The following LRRN2 variants were observed in gnomAD, a reference collection of about 807,000 sequenced individuals.
The protein encoded by LRRN2 is leucine rich repeat neuronal 2.
A neutral mutation model predicts 35.7 loss-of-function variants in LRRN2; 10 were observed. The observed-to-expected ratio is 0.28, with a 90% CI of 0.17 to 0.47. The LOEUF is 0.47. Among genes scored for constraint, LRRN2 ranks in the 20% least tolerant of loss-of-function variants. The pLI is 0.99. For synonymous variants in LRRN2, 391 were observed against 409.6 expected, an observed-to-expected ratio of 0.95 and a Z score of 0.55; for missense variants, 731 against 940.3, an observed-to-expected ratio of 0.78 and a Z score of 2.91.
chr1:204,679,725 AC>A (rs1668904180), intron 1 of LRRN2, among the ~76,000 whole-genome samples: 1 of 152,048 alleles, frequency 6.6e-6, no homozygotes, highest in South Asian at 2.1e-4. Context: ...CCAGCAAGCC[AC>A]CCTTGCATTG....
At chr1:204,623,218 C>G (rs1185886784) in intron 1 of LRRN2, among the ~76,000 whole-genome samples, 1 of 152,158 alleles carries the variant, frequency 6.6e-6, no homozygotes, top group Non-Finnish European at 1.5e-5. Flanking sequence ...ACCTTTAGAC[C>G]CTACCCGAGT....
rs150479319 is a variant in LRRN2, at chr1:204,665,128, A to G, written c.-227+20192T>C. On this transcript the variant is annotated intron_variant, in intron 1 of 1. Coordinates refer to ENST00000367177, the MANE Select transcript of LRRN2 (RefSeq NM_201630.2). ...ATTCTCTTTAGGAAGATAATGCTTCAACTCCTCCTTTGAATTGCCCCTAAC... is the reference window on the plus strand; with the variant it reads ...ATTCTCTTTAGGAAGATAATGCTTCGACTCCTCCTTTGAATTGCCCCTAAC... Among the ~76,000 whole-genome samples, 194 of 152,154 alleles carry G rather than the reference A, an allele frequency of 1.3e-3. 2 individuals carry two copies. Among genetic ancestry groups the G allele is most frequent in the African/African-American group, 4.5e-3 (188 of 41,486 alleles).
intron 1 of LRRN2, among the ~76,000 whole-genome samples, chr1:204,663,614 C>G (rs1668514897): frequency 1.3e-5 from 2 of 152,180 alleles, no homozygotes; most frequent in African/African-American, 4.8e-5. Context: ...CCAAGTCAGA[C>G]CTAATTAGAC....
chr1:204,649,159 G>C (rs975160994), intron 1 of LRRN2, among the ~76,000 whole-genome samples: 1 of 152,238 alleles, frequency 6.6e-6, no homozygotes, highest in Non-Finnish European at 1.5e-5. Flanking sequence ...GACTCAAAGA[G>C]GTGAATGAGC....
chr1:204,646,830 C>A (rs1339674107), intron 1 of LRRN2, among the ~76,000 whole-genome samples: 14 of 152,152 alleles, frequency 9.2e-5, no homozygotes, highest in Admixed American at 2.6e-4. Context: ...GGACATATAT[C>A]TCTATATTCT....
At chr1:204,638,892 C>T (rs1248789373) in intron 1 of LRRN2, among the ~76,000 whole-genome samples, 1 of 152,196 alleles carries the variant, frequency 6.6e-6, no homozygotes, top group Non-Finnish European at 1.5e-5. Context: ...GGGACGCCAC[C>T]CCCAGGCTCC....
intron 1 of LRRN2, among the ~76,000 whole-genome samples, chr1:204,624,764 C>T (rs975812495): frequency 2.1e-5 from 3 of 141,966 alleles, no homozygotes; most frequent in East Asian, 2.2e-4. Flanking sequence ...CACCCCCCCC[C>T]CCGGGAGCTG....
chr1:204,679,432 TTCC>T (rs1470290403), intron 1 of LRRN2, among the ~76,000 whole-genome samples: 2 of 152,240 alleles, frequency 1.3e-5, no homozygotes, highest in East Asian at 1.9e-4. Context: ...TTCTTTTCTC[TTCC>T]TCCTTTTTCC....
chr1:204,631,256 C>CTATATATA lies in LRRN2; in HGVS notation c.-226-11046_-226-11039dup, dbSNP rs1162626713. Among the ~76,000 whole-genome samples, 172 of 36,830 alleles carry CTATATATA rather than the reference C, an allele frequency of 4.7e-3. 8 individuals are homozygous for CTATATATA. Among genetic ancestry groups the CTATATATA allele is most frequent in the African/African-American group, 5.5e-3 (57 of 10,390 alleles). The allele number at this position is 36,830 out of a possible 152,430, so 24.2% of individuals were successfully genotyped here. On this transcript the variant is annotated intron_variant, in intron 1 of 1. Coordinates refer to ENST00000367177, the MANE Select transcript of LRRN2 (RefSeq NM_201630.2). ...CAAGAAGAGTGATACCTAGAGTGTT[C>CTATATATA]TATATATATATATATATATATATAT...
Position 204,640,046 on chromosome 1 carries a change from T to C in LRRN2, c.-226-19828A>G, listed in dbSNP as rs189692006. On this transcript the variant is annotated intron_variant, in intron 1 of 1. Transcript: ENST00000367177. ...GTACATTAAATAGCTGGATTTGCCA[T>C]GGTCTTAGTCCATTTGGGCAGCTAT... Among the ~76,000 whole-genome samples, 467 of 152,360 alleles carry C rather than the reference T, an allele frequency of 3.1e-3. 1 individual carries two copies. The highest frequency in any genetic ancestry group is 0.011 in the African/African-American group (442 of 41,582).
At position 204,619,898 on chromosome 1, in the gene LRRN2, TGA is replaced by T; in HGVS notation, c.93_94del (p.Gln32ValfsTer25). 6.2e-7 allele frequency: 1 copy of T among 1,613,770 alleles called. No homozygotes were observed. Among genetic ancestry groups the T allele is most frequent in the Non-Finnish European group, 8.5e-7 (1 of 1,179,960 alleles). ...CCAGGGCCGGATCTGGCAGGCACAC[TGA>T]GGGGGGCAGGGAACATGCCAGGGTA... On this transcript the variant is annotated frameshift_variant, in exon 2 of 2. Coordinates refer to ENST00000367177, the MANE Select transcript of LRRN2 (RefSeq NM_201630.2). LOFTEE classifies it high-confidence loss of function.
chr1:204,664,524 T>C (rs949235818), intron 1 of LRRN2: 1 of 152,230 alleles, frequency 6.6e-6, no homozygotes, highest in African/African-American at 2.4e-5. Flanking sequence ...AAGAGGAATT[T>C]TAAAACCAAC....
chr1:204,670,069 T>G (rs1224652726), intron 1 of LRRN2, among the ~76,000 whole-genome samples: 1 of 152,074 alleles, frequency 6.6e-6, no homozygotes, highest in East Asian at 1.9e-4. Flanking sequence ...CTCTGACAAT[T>G]GGAGATGCAA....
At position 204,675,585 on chromosome 1, in the gene LRRN2, C is replaced by T. The variant is rs1049819003; in HGVS notation, c.-227+9735G>A. The stretch of plus-strand genomic sequence containing the variant: ...GCATTACCCAGATGCTGACTTCTGC[C>T]TCCTTCTTCCACCTTTAAAGGACCC... On this transcript the variant is annotated intron_variant, in intron 1 of 1. Coordinates refer to ENST00000367177, the MANE Select transcript of LRRN2 (RefSeq NM_201630.2). 4.6e-5 allele frequency among the ~76,000 whole-genome samples: 7 copies of T among 152,342 alleles called. No homozygotes were observed. The South Asian group carries it at 8.3e-4, about 18-fold the overall frequency.
intron 1 of LRRN2, among the ~76,000 whole-genome samples, chr1:204,658,823 GC>G (rs755219365): frequency 6.6e-6 from 1 of 152,160 alleles, no homozygotes; most frequent in Non-Finnish European, 1.5e-5. Flanking sequence ...CTCCTCCCCT[GC>G]CCTTGTGGGC....
In LRRN2 at chr1:204,631,256, C is replaced by CTATATATATATATATATATATA. The variant is rs1162626713; in HGVS notation, c.-226-11060_-226-11039dup. 1.1e-4 allele frequency among the ~76,000 whole-genome samples: 4 copies of CTATATATATATATATATATATA among 36,910 alleles called. 1 individual carries two copies. The highest frequency in any genetic ancestry group is 2.9e-4 in the African/African-American group (3 of 10,398). 24.2% of individuals were successfully genotyped at this position (36,910 alleles called of 152,430 possible). A position where few individuals can be genotyped will look rare whatever the true frequency, so the allele number is the denominator to read the frequency against. Reference sequence around the variant, plus strand: ...CAAGAAGAGTGATACCTAGAGTGTTCTATATATATATATATATATATATAT... The same window carrying CTATATATATATATATATATATA: ...CAAGAAGAGTGATACCTAGAGTGTTCTATATATATATATATATATATATATATATATATATATATATATATAT... On this transcript the variant is annotated intron_variant, in intron 1 of 1. Coordinates refer to ENST00000367177, the MANE Select transcript of LRRN2 (RefSeq NM_201630.2).
chr1:204,620,239 G>A, intron 1 of LRRN2, 21 bp from the exon 2 acceptor site: 1 of 1,420,612 alleles, frequency 7.0e-7, no homozygotes, highest in Non-Finnish European at 9.2e-7. Flanking sequence ...AGGATGCAGA[G>A]TTAAGGAGGT....
chr1:204,620,032 C>T lies in LRRN2; in HGVS notation c.-40G>A. On this transcript the variant is annotated 5_prime_UTR_variant, in exon 2 of 2. Transcript: ENST00000367177. Reference sequence around the variant, plus strand: ...GCAGGGGACCATTCACAAGAAGAGTCTGGAGTCCTGCTCTTTGTGTTTTGC... The same window carrying T: ...GCAGGGGACCATTCACAAGAAGAGTTTGGAGTCCTGCTCTTTGTGTTTTGC... The T allele has an allele frequency of 6.4e-7, 1 of 1,571,380 alleles. No homozygotes were observed. The highest frequency in any genetic ancestry group is 2.3e-5 in the East Asian group (1 of 43,656).
intron 1 of LRRN2, among the ~76,000 whole-genome samples, chr1:204,651,946 C>A (rs920262466): frequency 1.3e-5 from 2 of 152,214 alleles, no homozygotes; most frequent in Admixed American, 6.5e-5. Context: ...CTCCCTTCCC[C>A]AGCCGGCCCC....
Sources: gnomAD v4.1 joint callset for allele counts (sites outside exome capture counted in the v4.1 genomes callset) on GRCh38, gnomAD v4.1.1 for gene constraint, MANE v1.5 for transcripts, NCBI Gene and HGNC (gene_info 2026-07-23, HGNC 2026-07-21) for gene names.